TNFRSF8: variants seen among roughly 807,000 people sequenced by gnomAD.
The protein encoded by TNFRSF8 is tumor necrosis factor receptor superfamily member 8.
In TNFRSF8, 26 loss-of-function variants were observed where a neutral mutation model predicts 70.8. That is an observed-to-expected ratio of 0.37 (90% CI 0.27 to 0.51). The LOEUF (loss-of-function observed/expected upper bound fraction) is 0.51. Ranked by LOEUF, TNFRSF8 falls within the 20% of genes least tolerant of loss-of-function variation. The pLI is 0.94. For synonymous variants in TNFRSF8, 356 were observed against 339.2 expected, an observed-to-expected ratio of 1.05 and a Z score of -0.54; for missense variants, 720 against 807.9, an observed-to-expected ratio of 0.89 and a Z score of 1.32.
intron 2 of TNFRSF8, among the ~76,000 whole-genome samples, chr1:12,092,717 C>A (rs1291264536): frequency 6.6e-6 from 1 of 151,842 alleles, no homozygotes; most frequent in Non-Finnish European, 1.5e-5. Flanking sequence ...ACCATGTTAG[C>A]GAGGATGGTC....
intron 1 of TNFRSF8, among the ~76,000 whole-genome samples, chr1:12,072,335 G>A (rs1640862660): frequency 6.6e-6 from 1 of 152,196 alleles, no homozygotes; most frequent in South Asian, 2.1e-4. Flanking sequence ...ATGGGGGGCA[G>A]TGTGGGAAGG....
At position 12,142,495 on chromosome 1, in the gene TNFRSF8, A is replaced by G. The variant is rs1359139669; in HGVS notation, c.1752A>G (p.Lys584=). The change falls in exon 15 of 15, where the codon AAA becomes AAG. Residue 584 remains lysine (K), a synonymous_variant. Transcript: ENST00000263932. The surrounding 1 kb of genome is among the most constrained non-coding windows in gnomAD (Gnocchi z 5.0). ...TGCTCTCAGTGGAAGAGGAAGGGAAAGAAGACCCCTTGCCCACAGCTGCCT... is the reference window on the plus strand; with the variant it reads ...TGCTCTCAGTGGAAGAGGAAGGGAAGGAAGACCCCTTGCCCACAGCTGCCT... The part of the protein sequence containing the change: ...DVMLSVEEEG[K]EDPLPTAASG... 6.9e-6 allele frequency: 11 copies of G among 1,592,482 alleles called. No homozygotes were observed. Among genetic ancestry groups the G allele is most frequent in the African/African-American group, 1.3e-5 (1 of 74,512 alleles).
intron 2 of TNFRSF8, among the ~76,000 whole-genome samples, chr1:12,092,018 G>A (rs955956952): frequency 2.6e-5 from 4 of 152,156 alleles, no homozygotes; most frequent in Admixed American, 2.0e-4. Flanking sequence ...GTGTGGCCCC[G>A]TTCCTAACAG....
At position 12,126,246 on chromosome 1, in the gene TNFRSF8, C is replaced by T. The variant is rs1557601551; in HGVS notation, c.1309+10C>T. The T allele has an allele frequency of 3.7e-6, 6 of 1,613,978 alleles. No individual in the cohort carries two copies. Among genetic ancestry groups the T allele is most frequent in the Non-Finnish European group, 3.4e-6 (4 of 1,180,032 alleles). ...AAGCTAGAGCTTGTGGGTGAGTGTC[C>T]AGCCGTCCAAAGGGGCTGCCCGAGC... On this transcript the variant is annotated intron_variant, in intron 12 of 14. Transcript: ENST00000263932.
chr1:12,133,747 A>G (rs1415519380), intron 12 of TNFRSF8, among the ~76,000 whole-genome samples: 1 of 149,032 alleles, frequency 6.7e-6, no homozygotes, highest in South Asian at 2.1e-4. Context: ...TCAAAAAAAA[A>G]AAAAAAAAAA....
intron 4 of TNFRSF8, among the ~76,000 whole-genome samples, chr1:12,104,886 C>T (rs956343167): frequency 1.3e-5 from 2 of 152,150 alleles, no homozygotes; most frequent in African/African-American, 4.8e-5. Flanking sequence ...GGTTGGCTTC[C>T]CCCTTTCAGG....
intron 12 of TNFRSF8, among the ~76,000 whole-genome samples, chr1:12,132,461 A>T (rs1440307505): frequency 3.3e-5 from 5 of 152,188 alleles, no homozygotes; most frequent in African/African-American, 4.8e-5. Flanking sequence ...GTCTCCTGGG[A>T]TCTGTCTGAT....
At chr1:12,065,064 C>T (rs139940558) in intron 1 of TNFRSF8, among the ~76,000 whole-genome samples, 2 of 145,898 alleles carry the variant, frequency 1.4e-5, no homozygotes, top group East Asian at 4.1e-4. Flanking sequence ...ACAGCCTGAA[C>T]TCTCATACCA....
intron 3 of TNFRSF8, among the ~76,000 whole-genome samples, chr1:12,100,865 G>C (rs1467416183): frequency 6.6e-6 from 1 of 151,892 alleles, no homozygotes; most frequent in African/African-American, 2.4e-5. Flanking sequence ...GCTGAGGCAG[G>C]AGAATTGCTT....
chr1:12,091,407 A>G (rs1284814314), intron 2 of TNFRSF8, among the ~76,000 whole-genome samples: 1 of 152,052 alleles, frequency 6.6e-6, no homozygotes, highest in East Asian at 1.9e-4. Flanking sequence ...AGGGTGAGGG[A>G]GCTGGGGTAT....
chr1:12,124,768 T>A (rs953344878), intron 10 of TNFRSF8, among the ~76,000 whole-genome samples: 2 of 151,936 alleles, frequency 1.3e-5, no homozygotes, highest in Non-Finnish European at 2.9e-5. Context: ...GTTGCAAGGT[T>A]GCAGTGAGCC....
chr1:12,127,485 C>T (rs1252398556), intron 12 of TNFRSF8, among the ~76,000 whole-genome samples: 2 of 152,236 alleles, frequency 1.3e-5, no homozygotes, highest in East Asian at 1.9e-4. Flanking sequence ...TGTCCACCAT[C>T]GCAATGCCTA....
chr1:12,101,717 G>A (rs1056924021), intron 3 of TNFRSF8, among the ~76,000 whole-genome samples: 3 of 152,078 alleles, frequency 2.0e-5, no homozygotes, highest in Admixed American at 6.5e-5. Context: ...GTCCTGCTCT[G>A]TTGCCCAGGC....
At chr1:12,081,202 C>T (rs948703536) in intron 1 of TNFRSF8, among the ~76,000 whole-genome samples, 1 of 152,208 alleles carries the variant, frequency 6.6e-6, no homozygotes, top group African/African-American at 2.4e-5. Context: ...CAGAGCCCCC[C>T]AGGTGTGCCC....
intron 2 of TNFRSF8, among the ~76,000 whole-genome samples, chr1:12,089,317 A>C (rs1641206885): frequency 6.6e-6 from 1 of 152,134 alleles, no homozygotes; most frequent in Admixed American, 6.5e-5. Flanking sequence ...TTTTGAAAGA[A>C]TAGGTGAATG....
At chr1:12,084,680 A>T in intron 2 of TNFRSF8, 129 bp downstream of exon 2, 2 of 867,742 alleles carry the variant, frequency 2.3e-6, no homozygotes, top group East Asian at 5.3e-5. Context: ...AGTTTTCTGC[A>T]GGTCATTCCT....
At chr1:12,121,939 G>T (rs1641835978) in intron 8 of TNFRSF8, among the ~76,000 whole-genome samples, 1 of 152,218 alleles carries the variant, frequency 6.6e-6, no homozygotes, top group South Asian at 2.1e-4. Context: ...ACATTATGCA[G>T]AGTGGAAGAA....
At chr1:12,064,421 G>T (rs1435141795) in intron 1 of TNFRSF8, among the ~76,000 whole-genome samples, 1 of 152,148 alleles carries the variant, frequency 6.6e-6, no homozygotes, top group Non-Finnish European at 1.5e-5. Context: ...GTTTCACGGA[G>T]CCCAGGGGCT....
chr1:12,108,509 G>A lies in TNFRSF8; in HGVS notation c.422-1057G>A, dbSNP rs1641569312. 6.6e-6 allele frequency among the ~76,000 whole-genome samples: 1 copy of A among 152,200 alleles called. No individual in the cohort carries two copies. Among genetic ancestry groups the A allele is most frequent in the African/African-American group, 2.4e-5 (1 of 41,456 alleles). ...CTGTTTATCCTGACGACAGCCTGGT[G>A]AAGAGTGTATGATTATAGTCATTTG... On this transcript the variant is annotated intron_variant, in intron 4 of 14. Transcript: ENST00000263932. This position sits in a 1 kb window ranked among gnomAD's most constrained non-coding sequence, Gnocchi z 4.0.
Sources: allele counts gnomAD v4.1 joint callset (sites outside exome capture counted in the v4.1 genomes callset), GRCh38; gene constraint gnomAD v4.1.1; non-coding constraint Gnocchi (gnomAD v3.1); transcripts MANE v1.5; gene names NCBI Gene and HGNC (gene_info 2026-07-23, HGNC 2026-07-21).